The following RYR2 variants were observed in gnomAD, a reference collection of about 807,000 sequenced individuals.
The protein encoded by RYR2 is ryanodine receptor 2.
RYR2 carries 227 observed loss-of-function variants against 601.1 expected under a neutral mutation model. The observed-to-expected ratio is 0.38, with a 90% CI of 0.34 to 0.42. The LOEUF is 0.42. RYR2 is among the 10% of genes least tolerant of loss of function. The pLI is 1.00. For missense variants in RYR2, 4,646 were observed against 6,156.5 expected, an observed-to-expected ratio of 0.75 and a Z score of 8.21; for synonymous variants, 2,223 against 2,175.1, an observed-to-expected ratio of 1.02 and a Z score of -0.61.
chr1:237,100,805 T>C (rs2148514018), intron 1 of RYR2, among the ~76,000 whole-genome samples: 1 of 152,312 alleles, frequency 6.6e-6, no homozygotes, highest in African/African-American at 2.4e-5. Flanking sequence ...GATGTTTTTA[T>C]ACGCAACACT....
At chr1:237,525,411 G>A (rs1667468470) in intron 24 of RYR2, among the ~76,000 whole-genome samples, 1 of 151,848 alleles carries the variant, frequency 6.6e-6, no homozygotes, top group Admixed American at 6.6e-5. Context: ...ATTGTAAATA[G>A]TGCCGCAATG....
At chr1:237,288,111 C>T (rs969061785) in intron 2 of RYR2, among the ~76,000 whole-genome samples, 23 of 152,290 alleles carry the variant, frequency 1.5e-4, no homozygotes, top group African/African-American at 5.5e-4. Flanking sequence ...GTGAGTCTAC[C>T]CAGATCCAGG....
At chr1:237,617,941 T>G (rs1254899826) in intron 38 of RYR2, among the ~76,000 whole-genome samples, 1 of 152,094 alleles carries the variant, frequency 6.6e-6, no homozygotes, top group Non-Finnish European at 1.5e-5. Context: ...ACCCCCAAAG[T>G]CAGGTCTCCT....
intron 1 of RYR2, among the ~76,000 whole-genome samples, chr1:237,265,747 T>C (rs1290067041): frequency 6.6e-6 from 1 of 152,174 alleles, no homozygotes; most frequent in Non-Finnish European, 1.5e-5. Context: ...GAAGGGAGTG[T>C]GCAGTGTGGA....
intron 1 of RYR2, among the ~76,000 whole-genome samples, chr1:237,241,806 T>C (rs975426167): frequency 2.6e-5 from 4 of 152,226 alleles, no homozygotes; most frequent in African/African-American, 4.8e-5. Flanking sequence ...TCATGGCCTT[T>C]GTAAACTGTC....
chr1:237,370,890 G>A (rs998645923), intron 6 of RYR2, among the ~76,000 whole-genome samples: 2 of 152,132 alleles, frequency 1.3e-5, no homozygotes, highest in Admixed American at 1.3e-4. Context: ...TCGATCTCCT[G>A]ACCTGGTGAT....
chr1:237,623,386 T>TCTTTCTTTGTTTCTTTCTTTC (rs759443969), intron 38 of RYR2, among the ~76,000 whole-genome samples: 1 of 55,682 alleles, frequency 1.8e-5, no homozygotes, highest in African/African-American at 7.2e-5. Context: ...TTTCTTTCTT[T>TCTTTCTTTGTTTCTTTCTTTC]TTTTTTTTTT....
intron 74 of RYR2, among the ~76,000 whole-genome samples, chr1:237,724,213 A>ATATATG (rs1690011471): frequency 8.3e-6 from 1 of 120,482 alleles, no homozygotes; most frequent in Non-Finnish European, 1.9e-5. Context: ...ATATATATAT[A>ATATATG]TATATGTATG....
intron 3 of RYR2, among the ~76,000 whole-genome samples, chr1:237,337,087 C>T (rs1040318091): frequency 1.3e-5 from 2 of 151,618 alleles, no homozygotes; most frequent in African/African-American, 4.8e-5. Context: ...CCCATCTCTA[C>T]TAAAACCACA....
chr1:237,546,174 C>G (rs1469484599), intron 25 of RYR2, among the ~76,000 whole-genome samples: 1 of 151,864 alleles, frequency 6.6e-6, no homozygotes, highest in South Asian at 2.1e-4. Context: ...ACAAAAGCTA[C>G]AGTTAATTGC....
intron 2 of RYR2, among the ~76,000 whole-genome samples, chr1:237,299,708 G>A (rs940821926): frequency 2.6e-5 from 4 of 152,162 alleles, no homozygotes; most frequent in Non-Finnish European, 5.9e-5. Context: ...ATTGTGGGTT[G>A]TAAATGTTTA....
At chr1:237,722,669 A>G (rs142627781) in intron 73 of RYR2, among the ~76,000 whole-genome samples, 3,345 of 152,080 alleles carry the variant, frequency 0.022, 134 homozygotes, top group African/African-American at 0.074. Flanking sequence ...TGCTGACCTC[A>G]TGATCCGCCC....
intron 17 of RYR2, among the ~76,000 whole-genome samples, chr1:237,481,455 T>C (rs995070389): frequency 1.2e-4 from 19 of 152,192 alleles, no homozygotes; most frequent in Non-Finnish European, 2.1e-4. Flanking sequence ...TAAAAAGATG[T>C]GTTGTAATTA....
At chr1:237,556,899 A>G (rs1346097228) in intron 27 of RYR2, among the ~76,000 whole-genome samples, 1 of 96,038 alleles carries the variant, frequency 1.0e-5, no homozygotes, top group Non-Finnish European at 2.4e-5. Flanking sequence ...AAAAAAAAAA[A>G]AAAAAAAAAA....
intron 1 of RYR2, among the ~76,000 whole-genome samples, chr1:237,266,941 A>G (rs1326681239): frequency 6.6e-6 from 1 of 152,176 alleles, no homozygotes; most frequent in African/African-American, 2.4e-5. Flanking sequence ...CCTGAACTTA[A>G]TGTTGCTTCA....
intron 91 of RYR2, 163 bp from the exon 92 acceptor site, chr1:237,787,825 C>A: frequency 1.5e-6 from 1 of 676,058 alleles, no homozygotes; most frequent in South Asian, 2.1e-5. Context: ...AAATCCTACC[C>A]CTGATTCTAA....
intron 2 of RYR2, among the ~76,000 whole-genome samples, chr1:237,314,256 G>C (rs1694889379): frequency 6.6e-6 from 1 of 151,818 alleles, no homozygotes; most frequent in Non-Finnish European, 1.5e-5. Flanking sequence ...ATTAGAGACA[G>C]GGTTTCACCA....
At chr1:237,587,250 A>G (rs890750997) in intron 29 of RYR2, among the ~76,000 whole-genome samples, 5 of 152,140 alleles carry the variant, frequency 3.3e-5, no homozygotes, top group Admixed American at 3.3e-4. Flanking sequence ...TGAATTCACC[A>G]CCTGCCAACA....
intron 1 of RYR2, among the ~76,000 whole-genome samples, chr1:237,105,692 A>G (rs1385903466): frequency 6.6e-6 from 1 of 152,016 alleles, no homozygotes; most frequent in East Asian, 1.9e-4. Flanking sequence ...ATTAGCCAGC[A>G]ATACAAAAAT....
Sources: gnomAD v4.1 joint callset for allele counts (sites outside exome capture counted in the v4.1 genomes callset) on GRCh38, gnomAD v4.1.1 for gene constraint, MANE v1.5 for transcripts, NCBI Gene and HGNC (gene_info 2026-07-23, HGNC 2026-07-21) for gene names.